The following ADAMDEC1 variants were observed in gnomAD, a reference collection of about 807,000 sequenced individuals.
ADAMDEC1 encodes the protein ADAM DEC1.
In ADAMDEC1, 62 loss-of-function variants were observed where a neutral mutation model predicts 60.4. The observed-to-expected ratio is 1.03, with a 90% confidence interval of 0.84 to 1.27. The LOEUF is 1.27. Ranked by LOEUF, ADAMDEC1 falls within the 50% of genes most tolerant of loss-of-function variation. The pLI is 0.00. For missense variants in ADAMDEC1, 595 were observed against 565.0 expected (o/e 1.05, Z -0.54); for synonymous variants, 210 against 195.1 (o/e 1.08, Z -0.64).
intron 1 of ADAMDEC1, chr8:24,387,328 CGG>C (rs945301413): frequency 1.3e-5 from 2 of 152,254 alleles, no homozygotes; most frequent in African/African-American, 4.8e-5. Flanking sequence ...CACCTTTACT[CGG>C]TAACGGCGGG....
At position 24,399,408 on chromosome 8, in the gene ADAMDEC1, C is replaced by T. The variant is rs759121557; in HGVS notation, c.945C>T (p.Asn315=). 1 of 1,613,768 alleles carries T rather than the reference C, an allele frequency of 6.2e-7. No homozygotes were observed. Residue 315 remains asparagine, a synonymous_variant, in exon 10 of 14, where the codon AAC becomes AAT. Coordinates refer to ENST00000256412, the MANE Select transcript of ADAMDEC1 (RefSeq NM_014479.3). ...HAQLLSGISF[N]NRRVGLAASN... ...TTTCATACAGCGGGATTAGCTTCAACAATCGACGTGTGGGACTGGCAGCTT... is the reference window on the plus strand; with the variant it reads ...TTTCATACAGCGGGATTAGCTTCAATAATCGACGTGTGGGACTGGCAGCTT...
chr8:24,384,553 G>A lies in ADAMDEC1; in HGVS notation c.49G>A (p.Val17Ile). ...QLPAVATMSWVLLPVLWLIVQ... is the reference protein window; with the variant it reads ...QLPAVATMSWILLPVLWLIVQ... ...ACCTGCAGTGGCCACCATGTCTTGG[G>A]TCCTGCTGCCTGTACTTTGGCTCAT... Residue 17 changes from valine to isoleucine, a missense_variant, in exon 1 of 14, where the codon GTC (valine) becomes ATC (isoleucine). Val to Ile is a conservative substitution (Grantham distance 29). Transcript: ENST00000256412. The A allele has an allele frequency of 6.2e-7, 1 of 1,611,134 alleles. No individual in the cohort carries two copies. Among genetic ancestry groups the A allele is most frequent in the Non-Finnish European group, 8.5e-7 (1 of 1,178,688 alleles).
At chr8:24,401,655 A>G (rs1325026802) in intron 11 of ADAMDEC1, among the ~76,000 whole-genome samples, 1 of 152,144 alleles carries the variant, frequency 6.6e-6, no homozygotes, top group African/African-American at 2.4e-5. Context: ...TTAAATGGCC[A>G]CATGGAAATT....
intron 1 of ADAMDEC1, among the ~76,000 whole-genome samples, chr8:24,384,996 T>G: frequency 6.6e-6 from 1 of 152,214 alleles, no homozygotes; most frequent in East Asian, 1.9e-4. Flanking sequence ...ATCTGCACTT[T>G]GGGATATTTC....
intron 4 of ADAMDEC1, among the ~76,000 whole-genome samples, chr8:24,394,650 T>C (rs914658740): frequency 6.6e-5 from 10 of 152,200 alleles, no homozygotes; most frequent in African/African-American, 2.4e-4. Context: ...GAGAATACAA[T>C]AAATCTCAAT....
chr8:24,390,345 T>G (rs765936692), intron 1 of ADAMDEC1: 13 of 335,706 alleles, frequency 3.9e-5, no homozygotes, highest in Admixed American at 3.3e-4. Context: ...ACCCAATGTC[T>G]CCATTTTTAA....
At chr8:24,390,257 T>A (rs1817404078) in intron 1 of ADAMDEC1, 1 of 994,180 alleles carries the variant, frequency 1.0e-6, no homozygotes, top group African/African-American at 1.7e-5. Flanking sequence ...GTAATACGTT[T>A]ACATTATTTT....
chr8:24,399,638 C>T (rs1049680834), intron 10 of ADAMDEC1, among the ~76,000 whole-genome samples, 164 bp downstream of exon 10: 2 of 152,198 alleles, frequency 1.3e-5, no homozygotes, highest in South Asian at 4.2e-4. Flanking sequence ...TTGGGTTATG[C>T]GACAGAACAT....
In ADAMDEC1 at chr8:24,384,426, G is replaced by A. The variant is rs116558082; in HGVS notation, c.-79G>A. The A allele has an allele frequency of 9.3e-4, 1,094 of 1,178,356 alleles. 10 individuals are homozygous for A. The African/African-American group carries it at 0.015, about 17-fold the overall frequency. 73.0% of individuals were successfully genotyped at this position (1,178,356 alleles called of 1,614,324 possible). On this transcript the variant is annotated 5_prime_UTR_variant, in exon 1 of 14. Transcript: ENST00000256412. ...CATTCCCCAATCTCACACGAAAAGTGGGGGTTTTAATTTTCTTGTTCAACT... is the reference window on the plus strand; with the variant it reads ...CATTCCCCAATCTCACACGAAAAGTAGGGGTTTTAATTTTCTTGTTCAACT...
chr8:24,398,742 A>C, intron 8 of ADAMDEC1, 132 bp from the exon 9 acceptor site: 1 of 1,108,744 alleles, frequency 9.0e-7, no homozygotes. Flanking sequence ...ACAACTTTTA[A>C]AATTTTTACT....
At chr8:24,392,506 A>G (rs2291575) in intron 2 of ADAMDEC1, 126 bp downstream of exon 2, 20,959 of 640,330 alleles carry the variant, frequency 0.033, 442 homozygotes, top group East Asian at 0.078. Flanking sequence ...CCATGTATAC[A>G]ACTCCCCTTT....
In ADAMDEC1 at chr8:24,398,551, G is replaced by A. The variant is rs769543663; in HGVS notation, c.762G>A (p.Val254=). 6.3e-7 allele frequency: 1 copy of A among 1,592,452 alleles called. No individual in the cohort carries two copies. The highest frequency in any genetic ancestry group is 1.1e-5 in the South Asian group (1 of 89,622). ...FVFDVMNLLN[V]IYNTIDVQVA... ...TTGATGTGATGAACCTACTCAATGT[G>A]GTAAGACATTAGTCATGTAAACCTC... is the stretch of plus-strand genomic sequence containing the variant. The change falls in exon 8 of 14, where the codon GTG becomes GTA. Residue 254 remains valine, a splice_region_variant and synonymous_variant. Coordinates refer to ENST00000256412, the MANE Select transcript of ADAMDEC1 (RefSeq NM_014479.3).
At position 24,394,162 on chromosome 8, in the gene ADAMDEC1, C is replaced by T; in HGVS notation, c.363+15C>T. The stretch of plus-strand genomic sequence containing the variant: ...CTGAGAACATGGTAGGGTCCGAATA[C>T]TTTGTGGGTCTCTTTTGAGTTTTAG... On this transcript the variant is annotated intron_variant, in intron 4 of 13. Transcript: ENST00000256412. The T allele has an allele frequency of 1.9e-6, 3 of 1,580,512 alleles. No homozygotes were observed. The highest frequency in any genetic ancestry group is 2.6e-6 in the Non-Finnish European group (3 of 1,149,894).
At position 24,401,995 on chromosome 8, in the gene ADAMDEC1, T is replaced by C. The variant is rs976497455; in HGVS notation, c.1223T>C (p.Leu408Pro). 1.9e-6 allele frequency: 3 copies of C among 1,613,252 alleles called. No individual in the cohort carries two copies. Among genetic ancestry groups the C allele is most frequent in the Non-Finnish European group, 2.5e-6 (3 of 1,179,504 alleles). The change falls in exon 12 of 14, where the codon CTG becomes CCG. Residue 408 changes from leucine to proline, a missense_variant. Leu to Pro is a moderately conservative substitution (Grantham distance 98). Transcript: ENST00000256412. Reference protein sequence around the residue: ...RYLLSQKPKCLLQAPIPTNIM... With the variant: ...RYLLSQKPKCPLQAPIPTNIM... ...CTTTTATCTCAGAAACCAAAGTGCCTGCTGCAAGCACCTATTCCTACAAAT... is the reference window on the plus strand; with the variant it reads ...CTTTTATCTCAGAAACCAAAGTGCCCGCTGCAAGCACCTATTCCTACAAAT...
At chr8:24,399,081 A>C (rs763981445) in intron 9 of ADAMDEC1, 41 bp downstream of exon 9, 16 of 1,579,842 alleles carry the variant, frequency 1.0e-5, no homozygotes, top group Non-Finnish European at 1.3e-5. Context: ...CAGAATGGAT[A>C]GCTATCCCCA....
In ADAMDEC1 at chr8:24,398,867, T is replaced by A; in HGVS notation, c.763-7T>A. ...CATTTTTATGAAGATAAATGCTCTT[T>A]CCACAGATATATAACACCATAGATG... is the stretch of plus-strand genomic sequence containing the variant. On this transcript the variant is annotated splice_polypyrimidine_tract_variant and splice_region_variant and intron_variant, in intron 8 of 13. Coordinates refer to ENST00000256412, the MANE Select transcript of ADAMDEC1 (RefSeq NM_014479.3). 1 of 1,610,958 alleles carries A rather than the reference T, an allele frequency of 6.2e-7. No individual in the cohort carries two copies. Among genetic ancestry groups the A allele is most frequent in the Non-Finnish European group, 8.5e-7 (1 of 1,179,118 alleles).
In ADAMDEC1 at chr8:24,400,919, G is replaced by T. The variant is rs139395917; in HGVS notation, c.1142+619G>T. ...TTTTGTCCTCACGATAGTTTGCTCA[G>T]ATTGATGGTTTCCAGCTTCATCCAT... On this transcript the variant is annotated intron_variant, in intron 11 of 13. Transcript: ENST00000256412. Among the ~76,000 whole-genome samples the T allele has an allele frequency of 1.9e-3, 283 of 151,628 alleles. 6 individuals carry two copies. The East Asian group carries it at 0.048, about 26-fold the overall frequency.
At chr8:24,393,439 TG>T in intron 3 of ADAMDEC1, 101 bp downstream of exon 3, 1 of 714,750 alleles carries the variant, frequency 1.4e-6, no homozygotes, top group Admixed American at 2.8e-5. Flanking sequence ...ATAGAAGACA[TG>T]AGGCATTTTG....
In ADAMDEC1 at chr8:24,399,045, G is replaced by A. The variant is rs1457097550; in HGVS notation, c.929+5G>A. 6.2e-7 allele frequency: 1 copy of A among 1,610,126 alleles called. No individual in the cohort carries two copies. Among genetic ancestry groups the A allele is most frequent in the Non-Finnish European group, 8.5e-7 (1 of 1,178,170 alleles). ...CGACCATGCTCAGCTTCTCAGGTGA[G>A]CACATGCTGGCCAGGTGAATGTAGG... On this transcript the variant is annotated splice_donor_5th_base_variant and intron_variant, in intron 9 of 13. Transcript: ENST00000256412.
Sources: allele counts gnomAD v4.1 joint callset (sites outside exome capture counted in the v4.1 genomes callset), GRCh38; gene constraint gnomAD v4.1.1; transcripts MANE v1.5; gene names NCBI Gene and HGNC (gene_info 2026-07-23, HGNC 2026-07-21).